The following POM121 variants were observed in gnomAD, a reference collection of about 807,000 sequenced individuals.
POM121 encodes the protein nuclear envelope pore membrane protein POM 121.
Under a neutral mutation model 81.3 loss-of-function variants are expected in POM121, and 32 were observed. That is an observed-to-expected ratio of 0.39 (90% confidence interval 0.30 to 0.53). The LOEUF is 0.53. Ranked by LOEUF, POM121 falls within the 20% of genes least tolerant of loss-of-function variation. POM121 has a pLI of 0.66. For synonymous variants in POM121, 514 were observed against 694.2 expected, an observed-to-expected ratio of 0.74 and a Z score of 4.08; for missense variants, 1,138 against 1,614.6, an observed-to-expected ratio of 0.70 and a Z score of 5.06.
At chr7:72,895,609 C>T (rs562497291) in intron 3 of POM121, among the ~76,000 whole-genome samples, 2 of 152,138 alleles carry the variant, frequency 1.3e-5, no homozygotes, top group Non-Finnish European at 2.9e-5. Context: ...ACTAATCTTC[C>T]TAAAGCATGG....
chr7:72,928,601 GT>G (rs1795706970), intron 4 of POM121, 136 bp downstream of exon 4: 1 of 1,051,084 alleles, frequency 9.5e-7, no homozygotes, highest in African/African-American at 1.6e-5. Flanking sequence ...AATTAGGAAC[GT>G]TTTGAGTAAC....
At chr7:72,904,883 G>T (rs1554493167) in intron 3 of POM121, among the ~76,000 whole-genome samples, 1 of 152,162 alleles carries the variant, frequency 6.6e-6, no homozygotes, top group East Asian at 1.9e-4. Flanking sequence ...AGAGGAGAGA[G>T]TGCAGGGGAA....
At chr7:72,936,935 C>T (rs1796566987) in intron 5 of POM121, among the ~76,000 whole-genome samples, 1 of 152,052 alleles carries the variant, frequency 6.6e-6, no homozygotes, top group Admixed American at 6.5e-5. Context: ...GTGTGAGCCA[C>T]CGCACTCGGC....
chr7:72,930,374 A>G (rs1423403813), intron 5 of POM121, among the ~76,000 whole-genome samples: 3 of 152,276 alleles, frequency 2.0e-5, no homozygotes, highest in Non-Finnish European at 4.4e-5. Context: ...GTCAGACATT[A>G]GAATTGTCTT....
intron 3 of POM121, among the ~76,000 whole-genome samples, chr7:72,908,162 G>A (rs1554493735): frequency 1.3e-5 from 2 of 152,172 alleles, no homozygotes; most frequent in Non-Finnish European, 2.9e-5. Flanking sequence ...GATGTCGGGG[G>A]AACCCGCCCC....
At chr7:72,887,244 T>C (rs1790812018) in intron 1 of POM121, among the ~76,000 whole-genome samples, 1 of 152,230 alleles carries the variant, frequency 6.6e-6, no homozygotes, top group South Asian at 2.1e-4. Context: ...GTCTTGATTT[T>C]TTTGAACATT....
exon 4 of POM121, chr7:72,913,791 C>T (rs543281997): frequency 6.6e-6 from 1 of 152,252 alleles, no homozygotes; most frequent in African/African-American, 2.4e-5. Flanking sequence ...CCGAAGATCT[C>T]ACTTCCTCCC....
At chr7:72,907,141 T>A (rs2129575967) in intron 3 of POM121, among the ~76,000 whole-genome samples, 1 of 152,292 alleles carries the variant, frequency 6.6e-6, no homozygotes, top group Admixed American at 6.5e-5. Flanking sequence ...CTAAATCAAT[T>A]CAGTATGCCA....
At chr7:72,908,196 T>A (rs1254632401) in intron 3 of POM121, among the ~76,000 whole-genome samples, 2 of 152,254 alleles carry the variant, frequency 1.3e-5, no homozygotes, top group African/African-American at 2.4e-5. Flanking sequence ...TGAGTCCTTT[T>A]CTATTTTCCC....
intron 3 of POM121, among the ~76,000 whole-genome samples, chr7:72,898,110 A>T (rs1471751000): frequency 6.6e-6 from 1 of 152,180 alleles, no homozygotes; most frequent in Non-Finnish European, 1.5e-5. Context: ...TGACTCCAGG[A>T]TTTTTGTTAG....
chr7:72,949,575 C>A, downstream of POM121: 1 of 703,108 alleles, frequency 1.4e-6, no homozygotes, highest in East Asian at 2.6e-5. Flanking sequence ...ACAACCAGAA[C>A]ATGCAGGTTA....
At chr7:72,944,849 G>T (rs1418679262) in intron 11 of POM121, among the ~76,000 whole-genome samples, 1 of 152,164 alleles carries the variant, frequency 6.6e-6, no homozygotes, top group Non-Finnish European at 1.5e-5. Flanking sequence ...CCATCAGTCA[G>T]CCTCACAGGG....
rs1554496839 is a variant in POM121 at position 72,925,184 on chromosome 7, G to A, written c.63G>A (p.Arg21=). 3 of 1,516,536 alleles carry A rather than the reference G, an allele frequency of 2.0e-6. No individual in the cohort carries two copies. The highest frequency in any genetic ancestry group is 1.2e-5 in the South Asian group (1 of 82,132). 93.9% of individuals were successfully genotyped at this position (1,516,536 alleles called of 1,614,324 possible). Residue 21 remains arginine (R), a synonymous_variant, in exon 1 of 13, where the codon AGG becomes AGA. Coordinates refer to ENST00000434423, the MANE Select transcript of POM121 (RefSeq NM_001387691.1). The stretch of plus-strand genomic sequence containing the variant: ...GGCGGCGGCCCATAGCGAGTGTCAG[G>A]GACGGCCGGGGCCGGGGCTGCGGCG... ...GERRRPIASV[R]DGRGRGCGGP...
At chr7:72,904,375 T>C (rs1204541639) in intron 3 of POM121, among the ~76,000 whole-genome samples, 2 of 152,212 alleles carry the variant, frequency 1.3e-5, no homozygotes, top group African/African-American at 4.8e-5. Context: ...TAGGCATCAG[T>C]GGGGTATGCA....
At chr7:72,920,582 C>T (rs1204253993), upstream of POM121, among the ~76,000 whole-genome samples, 1 of 152,048 alleles carries the variant, frequency 6.6e-6, no homozygotes, top group Non-Finnish European at 1.5e-5. Context: ...TCTTGATCTC[C>T]TGACCTCATG....
rs782819685 is a variant in POM121 at position 72,943,092 on chromosome 7, C to A, written c.3099C>A (p.Ala1033=). The change falls in exon 11 of 13, where the codon GCC becomes GCA. Residue 1033 remains alanine (A), a synonymous_variant. Transcript: ENST00000434423. ...CCATCCATCCTATCTTTGGCGGTGC[C>A]ACGCACTCGGCGTTTGGGTTGAAAG... ...PTPIHPIFGG[A]THSAFGLKAT... 10 of 1,613,694 alleles carry A rather than the reference C, an allele frequency of 6.2e-6. No homozygotes were observed. The South Asian group carries it at 9.9e-5, about 16-fold the overall frequency.
At chr7:72,881,613 T>C (rs1790163222) in intron 1 of POM121, among the ~76,000 whole-genome samples, 1 of 151,974 alleles carries the variant, frequency 6.6e-6, no homozygotes, top group African/African-American at 2.4e-5. Flanking sequence ...TTTTAAGAGG[T>C]TTGTAAGGAT....
At chr7:72,929,050 CGAGG>C (rs1450114039) in intron 4 of POM121, among the ~76,000 whole-genome samples, 1 of 152,160 alleles carries the variant, frequency 6.6e-6, no homozygotes, top group Non-Finnish European at 1.5e-5. Context: ...TACTGCACTG[CGAGG>C]GAGGATGTAC....
At chr7:72,926,591 G>C in intron 2 of POM121, 114 bp downstream of exon 2, 1 of 1,532,182 alleles carries the variant, frequency 6.5e-7, no homozygotes, top group Non-Finnish European at 8.8e-7. Flanking sequence ...CTGCTTATTT[G>C]ATGAGAAATA....
Sources: gnomAD v4.1 joint callset for allele counts (sites outside exome capture counted in the v4.1 genomes callset) on GRCh38, gnomAD v4.1.1 for gene constraint, MANE v1.5 for transcripts, NCBI Gene and HGNC (gene_info 2026-07-23, HGNC 2026-07-21) for gene names.